The following EFHB variants were observed in gnomAD, a reference collection of about 807,000 sequenced individuals.
EFHB encodes the protein EF-hand domain-containing family member B.
In EFHB, 91 loss-of-function variants were observed where a neutral mutation model predicts 87.2. The ratio of observed to expected loss-of-function variants is 1.04; its 90% CI spans 0.88 to 1.24. EFHB has a LOEUF of 1.24. Among genes scored for constraint, EFHB ranks in the 50% most tolerant of loss-of-function variants. EFHB has a pLI of 0.00. For missense variants in EFHB, 1,084 were observed against 998.8 expected, an observed-to-expected ratio of 1.09 and a Z score of -1.15; for synonymous variants, 325 against 333.6, an observed-to-expected ratio of 0.97 and a Z score of 0.28.
At chr3:19,891,232 T>C (rs1559448184) in intron 9 of EFHB, among the ~76,000 whole-genome samples, 1 of 152,002 alleles carries the variant, frequency 6.6e-6, no homozygotes, top group South Asian at 2.1e-4. Context: ...TATTTGTGTT[T>C]ACTTGTAGAG....
chr3:19,931,409 T>G (rs1411708271), intron 1 of EFHB, among the ~76,000 whole-genome samples: 2 of 152,166 alleles, frequency 1.3e-5, no homozygotes, highest in African/African-American at 4.8e-5. Context: ...TGAGATCAGA[T>G]CAGATCAGAA....
At position 19,879,708 on chromosome 3, in the gene EFHB, CTT is replaced by C; in HGVS notation, c.2423_2424del (p.Glu808GlyfsTer4). 1 of 1,610,964 alleles carries C rather than the reference CTT, an allele frequency of 6.2e-7. No homozygotes were observed. Among genetic ancestry groups the C allele is most frequent in the Non-Finnish European group, 8.5e-7 (1 of 1,179,202 alleles). On this transcript the variant is annotated frameshift_variant, in exon 13 of 13. Coordinates refer to ENST00000295824, the MANE Select transcript of EFHB (RefSeq NM_144715.4). LOFTEE classifies it high-confidence loss of function. ...NLASKKHHRG[E>X]VCVENIRNVL... ...ACATTTCTGATGTTCTCAACACAAA[CTT>C]CTCCTCTGTGATGCTTTTTTGATGC...
chr3:19,918,547 T>C (rs1265889826), intron 3 of EFHB, 135 bp from the exon 4 acceptor site: 1 of 834,554 alleles, frequency 1.2e-6, no homozygotes, highest in Non-Finnish European at 1.7e-6. Context: ...TTGGCTTTGC[T>C]CACCTTCAAA....
At chr3:19,939,370 CTTTTTTTTTTTTTTTTTTT>C (rs147510880) in intron 1 of EFHB, among the ~76,000 whole-genome samples, 2 of 64,582 alleles carry the variant, frequency 3.1e-5, no homozygotes, top group South Asian at 8.3e-4. Flanking sequence ...GTTGGGTCTC[CTTTTTTTTTTTTTTTTTTT>C]TTTTTTTTTT....
intron 9 of EFHB, among the ~76,000 whole-genome samples, chr3:19,895,920 G>C (rs1694466157): frequency 6.6e-6 from 1 of 152,210 alleles, no homozygotes; most frequent in Non-Finnish European, 1.5e-5. Flanking sequence ...AAGCAATTCT[G>C]TGATGGCCTA....
At chr3:19,904,186 A>G (rs564109543) in intron 6 of EFHB, among the ~76,000 whole-genome samples, 39 of 152,316 alleles carry the variant, frequency 2.6e-4, no homozygotes, top group Non-Finnish European at 3.1e-4. Context: ...TACCCCTATC[A>G]TTGACAAATA....
Position 19,933,896 on chromosome 3 carries a change from G to C in EFHB, c.123C>G (p.Ser41=). ...GIRVGLGKED[S]RCGESPVVSN... is the part of the protein sequence containing the mutation. ...TAACCACAGGGCTCTCCCCGCATCG[G>C]GAATCTTCTTTTCCTAATCCTACTC... The change falls in exon 1 of 13, where the codon TCC becomes TCG. Residue 41 remains serine, a synonymous_variant. Coordinates refer to ENST00000295824, the MANE Select transcript of EFHB (RefSeq NM_144715.4). 6.2e-7 allele frequency: 1 copy of C among 1,613,810 alleles called. No individual in the cohort carries two copies. Among genetic ancestry groups the C allele is most frequent in the Non-Finnish European group, 8.5e-7 (1 of 1,179,862 alleles).
intron 5 of EFHB, among the ~76,000 whole-genome samples, chr3:19,912,781 T>C (rs143041843): frequency 7.2e-5 from 11 of 152,284 alleles, no homozygotes; most frequent in Non-Finnish European, 1.3e-4. Context: ...TTTATGCAAA[T>C]AGTGTTAAGT....
intron 6 of EFHB, among the ~76,000 whole-genome samples, chr3:19,902,269 A>C (rs1352828034): frequency 6.6e-6 from 1 of 152,130 alleles, no homozygotes; most frequent in Admixed American, 6.5e-5. Flanking sequence ...GACTCAAACC[A>C]AAGTTTGATT....
chr3:19,933,206 T>C, intron 1 of EFHB, 24 bp downstream of exon 1: 1 of 1,597,678 alleles, frequency 6.3e-7, no homozygotes, highest in Non-Finnish European at 8.5e-7. Context: ...GTTTAGTTCC[T>C]ATGGAAAGTG....
At chr3:19,908,603 A>AGAAAGAAC in intron 5 of EFHB, among the ~76,000 whole-genome samples, 1 of 95,418 alleles carries the variant, frequency 1.0e-5, no homozygotes, top group East Asian at 2.6e-4. Flanking sequence ...AGAGAGAGAA[A>AGAAAGAAC]GAAAGAAAGA....
upstream of EFHB, among the ~76,000 whole-genome samples, chr3:19,939,054 C>A (rs879907470): frequency 5.9e-5 from 9 of 152,014 alleles, no homozygotes; most frequent in Non-Finnish European, 1.2e-4. Flanking sequence ...CTACAGGCAC[C>A]CGCCACCATG....
chr3:19,939,436 G>A (rs1227381278), intron 1 of EFHB, among the ~76,000 whole-genome samples: 1 of 133,754 alleles, frequency 7.5e-6, no homozygotes, highest in African/African-American at 2.8e-5. Context: ...CCAGGCTGGA[G>A]TGCAGTGGCG....
chr3:19,943,339 T>C lies in EFHB; in HGVS notation c.-32+3580A>G, dbSNP rs1292639126. On this transcript the variant is annotated intron_variant, in intron 1 of 14. Transcript: ENST00000344838. ...CAGGGTTGTTTGCATGTAGGCCGGA[T>C]TGGATTCTGAAGAAAGACATAGGAA... 2.7e-5 allele frequency: 5 copies of C among 183,246 alleles called. No homozygotes were observed. The South Asian group carries it at 5.7e-4, about 21-fold the overall frequency. The allele number at this position is 183,246 out of a possible 1,614,324, so 11.4% of individuals were successfully genotyped here.
Position 19,939,370 on chromosome 3 carries a change from C to CTTTTTTTTTTTTTTTT in EFHB, c.-31-3052_-31-3037dup, listed in dbSNP as rs147510880. 1.4e-4 allele frequency among the ~76,000 whole-genome samples: 9 copies of CTTTTTTTTTTTTTTTT among 64,588 alleles called. 2 individuals are homozygous for CTTTTTTTTTTTTTTTT. Among genetic ancestry groups the CTTTTTTTTTTTTTTTT allele is most frequent in the African/African-American group, 5.7e-4 (9 of 15,854 alleles). The allele number at this position is 64,588 out of a possible 152,430, so 42.4% of individuals were successfully genotyped here. A position where few individuals can be genotyped will look rare whatever the true frequency, so the allele number is the denominator to read the frequency against. On this transcript the variant is annotated intron_variant, in intron 1 of 14. Transcript: ENST00000344838. ...TGCCACTCAAACTGGGTTGGGTCTCCTTTTTTTTTTTTTTTTTTTTTTTTT... is the reference window on the plus strand; with the variant it reads ...TGCCACTCAAACTGGGTTGGGTCTCCTTTTTTTTTTTTTTTTTTTTTTTTTTTTTTTTTTTTTTTTT...
At position 19,896,673 on chromosome 3, in the gene EFHB, C is replaced by T. The variant is rs201950061; in HGVS notation, c.1725+14G>A. ...AGCCCATGCATTACCAAAAAGCTCTCCCCCATTACTGGCCTTGTCATAGTG... is the reference window on the plus strand; with the variant it reads ...AGCCCATGCATTACCAAAAAGCTCTTCCCCATTACTGGCCTTGTCATAGTG... On this transcript the variant is annotated intron_variant, in intron 9 of 12. Transcript: ENST00000295824. 2 of 1,613,944 alleles carry T rather than the reference C, an allele frequency of 1.2e-6. No individual in the cohort carries two copies. The highest frequency in any genetic ancestry group is 4.5e-5 in the East Asian group (2 of 44,872).
intron 7 of EFHB, 25 bp downstream of exon 7, chr3:19,899,407 A>G (rs753639686): frequency 1.3e-6 from 2 of 1,534,680 alleles, no homozygotes; most frequent in Non-Finnish European, 1.8e-6. Flanking sequence ...AGAAACTATC[A>G]ATTTGAAGTT....
At chr3:19,942,956 C>G (rs922401319) in intron 1 of EFHB, 1 of 225,356 alleles carries the variant, frequency 4.4e-6, no homozygotes, top group Non-Finnish European at 8.8e-6. Context: ...CTAGAGGACA[C>G]CTTTCTGGAC....
chr3:19,911,066 C>A (rs1695046743), intron 5 of EFHB, among the ~76,000 whole-genome samples: 1 of 152,162 alleles, frequency 6.6e-6, no homozygotes, highest in African/African-American at 2.4e-5. Context: ...AGCATCAGCA[C>A]CATCTAGGAA....
Sources: gnomAD v4.1 joint callset for allele counts (sites outside exome capture counted in the v4.1 genomes callset) on GRCh38, gnomAD v4.1.1 for gene constraint, MANE v1.5 for transcripts, NCBI Gene and HGNC (gene_info 2026-07-23, HGNC 2026-07-21) for gene names.